Variants in NECTIN3 observed in about 807,000 individuals in gnomAD.
NECTIN3 encodes the protein nectin cell adhesion molecule 3.
Under a neutral mutation model 49.4 loss-of-function variants are expected in NECTIN3, and 8 were observed. That is an observed-to-expected ratio of 0.16 (90% confidence interval 0.10 to 0.29). The LOEUF is 0.29. Among genes scored for constraint, NECTIN3 ranks in the 10% least tolerant of loss-of-function variants. NECTIN3 has a pLI of 1.00. For missense variants in NECTIN3, 581 were observed against 654.6 expected, an observed-to-expected ratio of 0.89 and a Z score of 1.23; for synonymous variants, 277 against 241.1, an observed-to-expected ratio of 1.15 and a Z score of -1.38.
At chr3:111,155,649 T>C (rs2035081837) in intron 7 of NECTIN3, among the ~76,000 whole-genome samples, 1 of 152,208 alleles carries the variant, frequency 6.6e-6, no homozygotes, top group Non-Finnish European at 1.5e-5. Flanking sequence ...TCAATCTAAT[T>C]TAACTTTGAA....
At chr3:111,095,556 G>T (rs1485578606) in intron 1 of NECTIN3, among the ~76,000 whole-genome samples, 1 of 152,140 alleles carries the variant, frequency 6.6e-6, no homozygotes, top group Non-Finnish European at 1.5e-5. Flanking sequence ...CTGTTCCCCT[G>T]CCCCTTACTT....
chr3:111,150,106 G>C (rs1202486378), intron 7 of NECTIN3, among the ~76,000 whole-genome samples: 1 of 151,944 alleles, frequency 6.6e-6, no homozygotes, highest in East Asian at 1.9e-4. Context: ...CTGTGTTTCA[G>C]CTAAAATAGT....
At chr3:111,078,129 C>G (rs4682231) in intron 1 of NECTIN3, among the ~76,000 whole-genome samples, 107,463 of 152,008 alleles carry the variant, frequency 0.71, 43,654 homozygotes, top group Non-Finnish European at 0.93. Context: ...ACTTTGTATT[C>G]AAGTGTGATG....
intron 7 of NECTIN3, among the ~76,000 whole-genome samples, chr3:111,178,073 A>G (rs2035563121): frequency 6.6e-6 from 1 of 152,190 alleles, no homozygotes; most frequent in African/African-American, 2.4e-5. Context: ...AAAAATTAAA[A>G]CCTAGAATGT....
At chr3:111,142,366 A>G (rs1480009090), downstream of NECTIN3, among the ~76,000 whole-genome samples, 1 of 151,838 alleles carries the variant, frequency 6.6e-6, no homozygotes, top group Non-Finnish European at 1.5e-5. Flanking sequence ...AATACTACAA[A>G]GAGGTATGGG....
intron 1 of NECTIN3, among the ~76,000 whole-genome samples, chr3:111,079,289 G>A (rs1455971467): frequency 6.6e-6 from 1 of 151,864 alleles, no homozygotes; most frequent in African/African-American, 2.4e-5. Context: ...AGCAATTATG[G>A]TGGCTATTTT....
At position 111,145,068 on chromosome 3, in the gene NECTIN3, T is replaced by C. The variant is rs2107507830; in HGVS notation, c.1139+31T>C. The C allele has an allele frequency of 2.0e-6, 3 of 1,518,548 alleles. No individual in the cohort carries two copies. In the East Asian group the frequency reaches 7.4e-5, roughly 37 times the overall value. The allele number at this position is 1,518,548 out of a possible 1,614,324, so 94.1% of individuals were successfully genotyped here. A position where few individuals can be genotyped will look rare whatever the true frequency, so the allele number is the denominator to read the frequency against. ...TAACTTTTTTGCCTTTGTTCAACTATGAATATCAGTATGTGTCCAATCTTT... is the reference window on the plus strand; with the variant it reads ...TAACTTTTTTGCCTTTGTTCAACTACGAATATCAGTATGTGTCCAATCTTT... On this transcript the variant is annotated intron_variant, in intron 6 of 8. Transcript: ENST00000493615.
chr3:111,188,755 G>T (rs2035764009), upstream of NECTIN3, among the ~76,000 whole-genome samples: 1 of 152,168 alleles, frequency 6.6e-6, no homozygotes, highest in Non-Finnish European at 1.5e-5. Context: ...CTTGAAAGTT[G>T]TTACCACATT....
chr3:111,113,290 A>C (rs1025603163), intron 2 of NECTIN3, among the ~76,000 whole-genome samples: 1 of 152,120 alleles, frequency 6.6e-6, no homozygotes, highest in Non-Finnish European at 1.5e-5. Context: ...CATTGGCCTG[A>C]ATGGAGACTT....
intron 1 of NECTIN3, 84 bp from the exon 2 acceptor site, chr3:111,111,946 G>T: frequency 5.3e-6 from 4 of 756,420 alleles, no homozygotes; most frequent in Non-Finnish European, 6.5e-6. Context: ...GCTAGAGATA[G>T]TTACACAGGG....
chr3:111,169,667 A>G (rs2035397811), intron 7 of NECTIN3, among the ~76,000 whole-genome samples: 1 of 152,178 alleles, frequency 6.6e-6, no homozygotes, highest in Non-Finnish European at 1.5e-5. Context: ...AGCGGCAAGT[A>G]CATTCTATTT....
Position 111,112,014 on chromosome 3 carries a change from T to G in NECTIN3, c.161-16T>G. The G allele has an allele frequency of 1.9e-6, 3 of 1,558,636 alleles. No homozygotes were observed. The highest frequency in any genetic ancestry group is 2.6e-6 in the Non-Finnish European group (3 of 1,152,392). On this transcript the variant is annotated splice_polypyrimidine_tract_variant and intron_variant, in intron 1 of 5. Transcript: ENST00000485303. ...TTTCTATTTTAAAAATTGTAGTACT[T>G]TTTTTTCCTCCATAGGTGCCTTAGC...
chr3:111,126,412 A>G, intron 5 of NECTIN3, 77 bp downstream of exon 5: 1 of 1,241,886 alleles, frequency 8.1e-7, no homozygotes, highest in South Asian at 1.4e-5. Context: ...GATCCTAAGC[A>G]ATAATTTGTA....
chr3:111,073,459 T>C (rs2030949300), intron 1 of NECTIN3: 1 of 152,248 alleles, frequency 6.6e-6, no homozygotes, highest in African/African-American at 2.4e-5. Flanking sequence ...TCCAGCACTG[T>C]AATGAAATCT....
chr3:111,185,775 C>A (rs1374537155), intron 7 of NECTIN3, among the ~76,000 whole-genome samples: 1 of 152,084 alleles, frequency 6.6e-6, no homozygotes, highest in Non-Finnish European at 1.5e-5. Context: ...AAAATAATTT[C>A]AACAAGAATC....
chr3:111,154,832 T>C (rs2035066487), intron 7 of NECTIN3, among the ~76,000 whole-genome samples: 1 of 152,206 alleles, frequency 6.6e-6, no homozygotes, highest in Non-Finnish European at 1.5e-5. Flanking sequence ...TATTGGATCG[T>C]TTTCTTATTG....
intron 4 of NECTIN3, among the ~76,000 whole-genome samples, chr3:111,124,023 G>A (rs1313776917): frequency 6.6e-6 from 1 of 151,928 alleles, no homozygotes; most frequent in Non-Finnish European, 1.5e-5. Context: ...TTTAATTTCT[G>A]TACTCTTCCT....
intron 1 of NECTIN3, among the ~76,000 whole-genome samples, chr3:111,108,935 C>T (rs1040516554): frequency 3.3e-5 from 5 of 152,116 alleles, no homozygotes; most frequent in African/African-American, 9.7e-5. Context: ...GACAAAACAT[C>T]CAAACCATTG....
chr3:111,183,264 T>A (rs901103099), intron 7 of NECTIN3, among the ~76,000 whole-genome samples: 7 of 152,066 alleles, frequency 4.6e-5, no homozygotes, highest in Non-Finnish European at 7.4e-5. Flanking sequence ...CCATAACATT[T>A]CTTATGTTAC....
Sources: gnomAD v4.1 joint callset for allele counts (sites outside exome capture counted in the v4.1 genomes callset) on GRCh38, gnomAD v4.1.1 for gene constraint, MANE v1.5 for transcripts, NCBI Gene and HGNC (gene_info 2026-07-23, HGNC 2026-07-21) for gene names.